Variants in AASDH observed in about 807,000 individuals in gnomAD.
AASDH encodes the protein beta-alanine-activating enzyme.
In AASDH, 81 loss-of-function variants were observed where a neutral mutation model predicts 102.3. That is an observed-to-expected ratio of 0.79 (90% CI 0.66 to 0.95). The LOEUF is 0.95. Ranked by LOEUF, AASDH falls within the 40% of genes least tolerant of loss-of-function variation. The pLI is 0.00. For missense variants in AASDH, 1,203 were observed against 1,266.2 expected, an observed-to-expected ratio of 0.95 and a Z score of 0.76; for synonymous variants, 398 against 454.0, an observed-to-expected ratio of 0.88 and a Z score of 1.57.
chr4:56,385,855 T>A (rs1298636365), intron 1 of AASDH, among the ~76,000 whole-genome samples: 1 of 152,126 alleles, frequency 6.6e-6, no homozygotes, highest in African/African-American at 2.4e-5. Flanking sequence ...GTGATCCACC[T>A]ACCTTGGCCT....
At position 56,353,266 on chromosome 4, in the gene AASDH, A is replaced by G. The variant is rs1310752538; in HGVS notation, c.1576+138T>C. On this transcript the variant is annotated intron_variant, in intron 9 of 14. Coordinates refer to ENST00000205214, the MANE Select transcript of AASDH (RefSeq NM_181806.4). ...TGAAGATAAAATGAATTAATTAGAC[A>G]AAGCAGTCAAAAGAGGGTCTATCAC... 4.6e-6 allele frequency: 3 copies of G among 648,070 alleles called. No homozygotes were observed. The African/African-American group carries it at 5.6e-5, about 12-fold the overall frequency. 40.1% of individuals were successfully genotyped at this position (648,070 alleles called of 1,614,324 possible). A position where few individuals can be genotyped will look rare whatever the true frequency, so the allele number is the denominator to read the frequency against.
At chr4:56,350,110 G>T in intron 10 of AASDH, 52 bp from the exon 11 acceptor site, 1 of 1,381,108 alleles carries the variant, frequency 7.2e-7, no homozygotes, top group Non-Finnish European at 9.7e-7. Flanking sequence ...AAAAGCAAAA[G>T]ACTTCAACAT....
At position 56,343,685 on chromosome 4, in the gene AASDH, CT is replaced by C. The variant is rs1170909176; in HGVS notation, c.2653-2del. ...TTGACTTCCAAACACACTTCTTTCT[CT>C]GCAAATAAGAAAACAAATTAATTTG... is the stretch of plus-strand genomic sequence containing the variant. On this transcript the variant is annotated splice_acceptor_variant, in intron 12 of 14. Coordinates refer to ENST00000205214, the MANE Select transcript of AASDH (RefSeq NM_181806.4). LOFTEE classifies it high-confidence loss of function. 6.2e-7 allele frequency: 1 copy of C among 1,604,540 alleles called. No individual in the cohort carries two copies.
At chr4:56,348,200 T>G (rs13124696) in intron 11 of AASDH, among the ~76,000 whole-genome samples, 67,461 of 151,158 alleles carry the variant, frequency 0.45, 15,422 homozygotes, top group Non-Finnish European at 0.49. Context: ...TGTACTTCCT[T>G]TCAAGAGGTG....
rs1407341424 is a variant in AASDH, at chr4:56,354,826, TAC to T, written c.1104-17_1104-16del. The T allele has an allele frequency of 1.3e-6, 2 of 1,564,764 alleles. No homozygotes were observed. The highest frequency in any genetic ancestry group is 3.8e-5 in the Admixed American group (2 of 53,274). The stretch of plus-strand genomic sequence containing the variant: ...GCAATTCACATCTATGAAAATAAGA[TAC>T]AGAGCAGATTTAAAATTTTTCATTT... On this transcript the variant is annotated splice_polypyrimidine_tract_variant and intron_variant, in intron 6 of 14. Coordinates refer to ENST00000205214, the MANE Select transcript of AASDH (RefSeq NM_181806.4).
intron 4 of AASDH, among the ~76,000 whole-genome samples, chr4:56,376,019 CTTTTTTTTTTTTTTTT>C (rs67950154): frequency 9.4e-6 from 1 of 106,746 alleles, no homozygotes; most frequent in African/African-American, 3.6e-5. Context: ...AACCGCTCAT[CTTTTTTTTTTTTTTTT>C]TTTTTTAAGA....
intron 5 of AASDH, among the ~76,000 whole-genome samples, chr4:56,364,221 CA>C (rs1388025308): frequency 6.6e-6 from 1 of 152,090 alleles, no homozygotes; most frequent in Non-Finnish European, 1.5e-5. Flanking sequence ...GACTATGTGA[CA>C]AGACCAAATC....
At chr4:56,355,449 T>C (rs1463689552) in intron 5 of AASDH, 26 bp from the exon 6 acceptor site, 2 of 1,584,010 alleles carry the variant, frequency 1.3e-6, no homozygotes. Context: ...AAATAATTTA[T>C]TTATTTTCCT....
rs749643318 is a variant in AASDH, at chr4:56,378,343, C to T, written c.473G>A (p.Gly158Glu). 2 of 1,613,990 alleles carry T rather than the reference C, an allele frequency of 1.2e-6. No individual in the cohort carries two copies. The highest frequency in any genetic ancestry group is 2.2e-5 in the South Asian group (2 of 91,064). ...NTEVNLMLND[G>E]KEKYEKEKIK... ...TTTTTCTTTTTCATATTTCTCTTTT[C>T]CATCATTTAGCATCAAGTTCACCTC... The change falls in exon 4 of 15, where the codon GGA (glycine) becomes GAA (glutamate). Residue 158 changes from glycine (G) to glutamate (E), a missense_variant. Gly to Glu is a moderately conservative substitution (Grantham distance 98). Transcript: ENST00000205214.
intron 5 of AASDH, chr4:56,356,934 G>A (rs1033212645): frequency 1.2e-5 from 9 of 737,924 alleles, no homozygotes; most frequent in African/African-American, 3.5e-5. Flanking sequence ...TGGGTTAAAT[G>A]TACACTGCTG....
intron 12 of AASDH, among the ~76,000 whole-genome samples, chr4:56,344,835 G>T (rs1388150452): frequency 6.6e-6 from 1 of 151,604 alleles, no homozygotes; most frequent in Non-Finnish European, 1.5e-5. Context: ...GTTAATACCT[G>T]TTCCAAGGCT....
intron 4 of AASDH, among the ~76,000 whole-genome samples, chr4:56,374,223 A>G (rs984404812): frequency 2.0e-5 from 3 of 152,054 alleles, no homozygotes; most frequent in Admixed American, 6.6e-5. Context: ...TACTAAAACT[A>G]CAAAAATTAG....
In AASDH at chr4:56,378,207, C is replaced by T. The variant is rs767249926; in HGVS notation, c.609G>A (p.Gly203=). ...GAGGCACTCTGACAATCTTCGGTATCCCTGTAGTCCCTGATGTATGTAGAA... is the reference window on the plus strand; with the variant it reads ...GAGGCACTCTGACAATCTTCGGTATTCCTGTAGTCCCTGATGTATGTAGAA... The part of the protein sequence containing the change: ...AYVLHTSGTT[G]IPKIVRVPHK... Residue 203 remains glycine, a synonymous_variant, in exon 4 of 15, where the codon GGG becomes GGA. Transcript: ENST00000205214. The T allele has an allele frequency of 1.9e-6, 3 of 1,613,664 alleles. No homozygotes were observed. The African/African-American group carries it at 4.0e-5, about 22-fold the overall frequency.
At chr4:56,381,014 T>C (rs1460356079) in intron 3 of AASDH, among the ~76,000 whole-genome samples, 2 of 152,176 alleles carry the variant, frequency 1.3e-5, no homozygotes, top group Non-Finnish European at 2.9e-5. Flanking sequence ...ATCAAAATCA[T>C]GGGATAGGAA....
intron 9 of AASDH, 136 bp downstream of exon 9, chr4:56,353,268 A>G: frequency 1.5e-6 from 1 of 652,214 alleles, no homozygotes; most frequent in Non-Finnish European, 2.4e-6. Context: ...AATTAGACAA[A>G]GCAGTCAAAA....
At chr4:56,377,695 C>G (rs780221329) in intron 4 of AASDH, among the ~76,000 whole-genome samples, 1 of 152,124 alleles carries the variant, frequency 6.6e-6, no homozygotes, top group Non-Finnish European at 1.5e-5. Flanking sequence ...AGTTCAGATA[C>G]AGCTGAAACA....
chr4:56,368,539 A>G (rs1460348663), intron 5 of AASDH, among the ~76,000 whole-genome samples: 1 of 152,104 alleles, frequency 6.6e-6, no homozygotes, highest in East Asian at 1.9e-4. Context: ...CTATGCAGCC[A>G]TAAAAAATGA....
At position 56,345,250 on chromosome 4, in the gene AASDH, A is replaced by G; in HGVS notation, c.2529T>C (p.Ser843=). The change falls in exon 12 of 15, where the codon AGT becomes AGC. Residue 843 remains serine (S), a synonymous_variant. Coordinates refer to ENST00000205214, the MANE Select transcript of AASDH (RefSeq NM_181806.4). ...TAGTAAACATCCAGTATTTTTCTCC[A>G]CTATTACTTTTCAGAACATAAACTA... is the stretch of plus-strand genomic sequence containing the variant. ...NGLVYVLKSN[S]GEKYWMFTTE... is the part of the protein sequence containing the mutation. The G allele has an allele frequency of 6.2e-7, 1 of 1,613,798 alleles. No homozygotes were observed. Among genetic ancestry groups the G allele is most frequent in the South Asian group, 1.1e-5 (1 of 91,062 alleles).
At position 56,371,596 on chromosome 4, in the gene AASDH, G is replaced by A; in HGVS notation, c.716C>T (p.Pro239Leu). The A allele has an allele frequency of 6.2e-7, 1 of 1,611,246 alleles. No homozygotes were observed. The highest frequency in any genetic ancestry group is 8.5e-7 in the Non-Finnish European group (1 of 1,179,502). ...TQEDVLFLAS[P>L]LTFDPSVVEI... ...CACAACAGAAGGATCGAAGGTCAGA[G>A]GTGAAGCCAGAAACAAAACATCTTC... is the stretch of plus-strand genomic sequence containing the variant. Residue 239 changes from proline (P) to leucine (L), a missense_variant, in exon 5 of 15, where the codon CCT becomes CTT. Coordinates refer to ENST00000205214, the MANE Select transcript of AASDH (RefSeq NM_181806.4).
Sources: gnomAD v4.1 joint callset for allele counts (sites outside exome capture counted in the v4.1 genomes callset) on GRCh38, gnomAD v4.1.1 for gene constraint, MANE v1.5 for transcripts, NCBI Gene and HGNC (gene_info 2026-07-23, HGNC 2026-07-21) for gene names.